Variants in ROBO1 observed in about 807,000 individuals in gnomAD.
ROBO1 encodes the protein roundabout guidance receptor 1.
In ROBO1, 149 loss-of-function variants were observed where a neutral mutation model predicts 195.9. The observed-to-expected ratio is 0.76, with a 90% CI of 0.67 to 0.87. The LOEUF is 0.87. Ranked by LOEUF, ROBO1 falls within the 40% of genes least tolerant of loss-of-function variation. The pLI, the probability that ROBO1 is intolerant of heterozygous loss-of-function variation, is 0.00. For missense variants in ROBO1, 1,933 were observed against 2,068.3 expected (o/e 0.93, Z 1.27); for synonymous variants, 816 against 733.2 (o/e 1.11, Z -1.82).
chr3:79,694,746 C>T (rs979298024), intron 1 of ROBO1, among the ~76,000 whole-genome samples: 2 of 151,614 alleles, frequency 1.3e-5, no homozygotes, highest in Non-Finnish European at 3.0e-5. Context: ...TATGTAACAA[C>T]ATACAATATA....
chr3:79,541,734 A>G (rs999128497), intron 2 of ROBO1, among the ~76,000 whole-genome samples: 1 of 150,926 alleles, frequency 6.6e-6, no homozygotes, highest in African/African-American at 2.4e-5. Flanking sequence ...TAGGCCATCA[A>G]CTTAAATATT....
intron 2 of ROBO1, among the ~76,000 whole-genome samples, chr3:79,505,140 C>T (rs534447079): frequency 3.3e-5 from 5 of 152,080 alleles, no homozygotes; most frequent in Non-Finnish European, 7.4e-5. Flanking sequence ...GAATTTGCCG[C>T]ATTGGAAGAC....
chr3:79,015,122 A>T (rs2077891469), intron 3 of ROBO1, among the ~76,000 whole-genome samples: 1 of 152,182 alleles, frequency 6.6e-6, no homozygotes, highest in South Asian at 2.1e-4. Flanking sequence ...TTAAATCACA[A>T]ATGTCTTATG....
chr3:78,713,147 T>C (rs1487462301), intron 8 of ROBO1, among the ~76,000 whole-genome samples: 1 of 152,200 alleles, frequency 6.6e-6, no homozygotes, highest in Non-Finnish European at 1.5e-5. Context: ...AGAGTAGTCT[T>C]GGCCTTAGAA....
intron 2 of ROBO1, among the ~76,000 whole-genome samples, chr3:79,288,151 G>C (rs1041532737): frequency 3.9e-5 from 6 of 152,028 alleles, no homozygotes; most frequent in Admixed American, 1.3e-4. Flanking sequence ...CTTTGCACCT[G>C]ATAATAATAG....
intron 2 of ROBO1, among the ~76,000 whole-genome samples, chr3:79,588,846 T>G (rs921258308): frequency 6.6e-6 from 1 of 151,724 alleles, no homozygotes; most frequent in Non-Finnish European, 1.5e-5. Context: ...GATATATAAA[T>G]CATTTGTTTT....
At position 79,125,517 on chromosome 3, in the gene ROBO1, C is replaced by T; in HGVS notation, c.111G>A (p.Gly37=). ...TGGGGATTGGCGTCCCGTGGTCGTT[C>T]CCCCTCTCTACATCTTCAGGGTCTG... The part of the protein sequence containing the change: ...LIPDPEDVER[G]NDHGTPIPTS... The change falls in exon 3 of 31, where the codon GGG becomes GGA. Residue 37 remains glycine, a synonymous_variant. Transcript: ENST00000464233. 6.2e-7 allele frequency: 1 copy of T among 1,613,570 alleles called. No homozygotes were observed. The highest frequency in any genetic ancestry group is 8.5e-7 in the Non-Finnish European group (1 of 1,179,728).
chr3:78,930,634 C>T (rs2039468952), intron 4 of ROBO1, among the ~76,000 whole-genome samples: 1 of 152,170 alleles, frequency 6.6e-6, no homozygotes, highest in South Asian at 2.1e-4. Flanking sequence ...TCATCAATTG[C>T]ATCTCCTGCA....
At chr3:78,931,821 AAAAC>A (rs1202530335) in intron 4 of ROBO1, among the ~76,000 whole-genome samples, 1 of 152,050 alleles carries the variant, frequency 6.6e-6, no homozygotes, top group East Asian at 1.9e-4. Flanking sequence ...AAAACAAAAC[AAAAC>A]AAATAGCCTG....
intron 1 of ROBO1, among the ~76,000 whole-genome samples, chr3:79,724,337 T>A (rs1702821829): frequency 6.6e-6 from 1 of 152,206 alleles, no homozygotes; most frequent in African/African-American, 2.4e-5. Context: ...GGTCTTCGTG[T>A]TTCTAAGCTA....
chr3:78,768,130 A>G (rs2083275189), intron 4 of ROBO1, among the ~76,000 whole-genome samples: 1 of 152,054 alleles, frequency 6.6e-6, no homozygotes, highest in African/African-American at 2.4e-5. Context: ...TATCATTATC[A>G]TCATTCAGTT....
intron 2 of ROBO1, among the ~76,000 whole-genome samples, chr3:79,536,282 A>T (rs991657025): frequency 5.3e-5 from 8 of 152,172 alleles, no homozygotes; most frequent in African/African-American, 1.9e-4. Context: ...ACACAAATGC[A>T]TACACACATG....
chr3:79,274,148 A>T (rs1263838522), intron 2 of ROBO1, among the ~76,000 whole-genome samples: 1 of 152,090 alleles, frequency 6.6e-6, no homozygotes, highest in South Asian at 2.1e-4. Context: ...CTTAATCTGT[A>T]GTATACATCA....
chr3:78,901,097 C>G (rs1184934689), intron 4 of ROBO1, among the ~76,000 whole-genome samples: 1 of 152,116 alleles, frequency 6.6e-6, no homozygotes. Context: ...GGCAATGTCT[C>G]ATCTGGCCTA....
At chr3:79,124,430 T>A (rs1559677626) in intron 3 of ROBO1, among the ~76,000 whole-genome samples, 1 of 152,200 alleles carries the variant, frequency 6.6e-6, no homozygotes, top group Non-Finnish European at 1.5e-5. Context: ...ACTGTGAGGA[T>A]GCTTCAAAAG....
chr3:79,120,604 G>T (rs528551995), intron 3 of ROBO1, among the ~76,000 whole-genome samples: 1 of 152,240 alleles, frequency 6.6e-6, no homozygotes, highest in East Asian at 1.9e-4. Context: ...ATGTAAGAAA[G>T]TCTTGGGTCT....
rs561227518 is a variant in ROBO1 at position 79,118,442 on chromosome 3, T to C, written c.172+7014A>G. On this transcript the variant is annotated intron_variant, in intron 3 of 30. Coordinates refer to ENST00000464233, the MANE Select transcript of ROBO1 (RefSeq NM_002941.4). ...TAAAATTTCTTAATAAAACTTTAAA[T>C]CTGAATTCTTCATAAATTCTACCTT... is the stretch of plus-strand genomic sequence containing the variant. 2.2e-4 allele frequency among the ~76,000 whole-genome samples: 33 copies of C among 152,306 alleles called. No homozygotes were observed. In the East Asian group the frequency reaches 5.8e-3, roughly 27 times the overall value.
At chr3:79,246,940 T>C (rs758953757) in intron 2 of ROBO1, among the ~76,000 whole-genome samples, 16 of 151,756 alleles carry the variant, frequency 1.1e-4, no homozygotes, top group Admixed American at 2.0e-4. Context: ...GATGACAGAG[T>C]TAATCCTTAT....
chr3:79,490,749 C>T (rs992196111), intron 2 of ROBO1, among the ~76,000 whole-genome samples: 1 of 152,164 alleles, frequency 6.6e-6, no homozygotes, highest in African/African-American at 2.4e-5. Flanking sequence ...AGGACTCAAG[C>T]CCCTCTGATT....
Sources: allele counts gnomAD v4.1 joint callset (sites outside exome capture counted in the v4.1 genomes callset), GRCh38; gene constraint gnomAD v4.1.1; transcripts MANE v1.5; gene names NCBI Gene and HGNC (gene_info 2026-07-23, HGNC 2026-07-21).